The following MYO5A variants were observed in gnomAD, a reference collection of about 807,000 sequenced individuals.
MYO5A encodes the protein myosin VA.
MYO5A carries 98 observed loss-of-function variants against 249.7 expected under a neutral mutation model. That is an observed-to-expected ratio of 0.39 (90% CI 0.33 to 0.46). The LOEUF (loss-of-function observed/expected upper bound fraction) is 0.46. Among genes scored for constraint, MYO5A ranks in the 20% least tolerant of loss-of-function variants. The probability of loss-of-function intolerance (pLI) is 0.98; values close to 1 mark genes in which losing one functional copy is unlikely to be tolerated. For synonymous variants in MYO5A, 778 were observed against 810.6 expected, an observed-to-expected ratio of 0.96 and a Z score of 0.68; for missense variants, 1,696 against 2,308.8, an observed-to-expected ratio of 0.73 and a Z score of 5.44.
chr15:52,524,549 G>A (rs1166621657), intron 1 of MYO5A, among the ~76,000 whole-genome samples: 1 of 118,046 alleles, frequency 8.5e-6, no homozygotes, highest in African/African-American at 3.0e-5. Context: ...GTGAGACCCT[G>A]AACCTAAATA....
intron 25 of MYO5A, among the ~76,000 whole-genome samples, chr15:52,354,694 A>C (rs979251272): frequency 1.3e-5 from 2 of 152,186 alleles, no homozygotes; most frequent in Non-Finnish European, 2.9e-5. Context: ...TCTCTGCTAA[A>C]AATATAAAAA....
intron 1 of MYO5A, among the ~76,000 whole-genome samples, chr15:52,474,716 G>C (rs2076553053): frequency 6.6e-6 from 1 of 152,208 alleles, no homozygotes; most frequent in Non-Finnish European, 1.5e-5. Flanking sequence ...TGTTGAACCA[G>C]CCTTGCATCC....
chr15:52,401,491 T>G (rs2414150), intron 9 of MYO5A, among the ~76,000 whole-genome samples: 73,916 of 152,126 alleles, frequency 0.49, 21,523 homozygotes, highest in Non-Finnish European at 0.63. Flanking sequence ...AAGATATTAT[T>G]CCACTGTGTT....
At chr15:52,334,520 G>A (rs2039028472) in intron 34 of MYO5A, among the ~76,000 whole-genome samples, 1 of 152,088 alleles carries the variant, frequency 6.6e-6, no homozygotes, top group South Asian at 2.1e-4. Context: ...AATGCTAAAG[G>A]ATTATATATA....
chr15:52,349,664 C>T (rs2039840727), intron 28 of MYO5A, among the ~76,000 whole-genome samples: 1 of 152,186 alleles, frequency 6.6e-6, no homozygotes, highest in African/African-American at 2.4e-5. Context: ...TACCACATTG[C>T]AACCCCATAA....
intron 31 of MYO5A, among the ~76,000 whole-genome samples, chr15:52,342,265 A>T (rs1037265321): frequency 1.3e-5 from 2 of 152,106 alleles, no homozygotes; most frequent in Admixed American, 6.5e-5. Context: ...AGGCTGAGGC[A>T]GGAGGATCGT....
At chr15:52,429,414 C>T (rs1425486404) in intron 2 of MYO5A, among the ~76,000 whole-genome samples, 1 of 152,096 alleles carries the variant, frequency 6.6e-6, no homozygotes, top group Non-Finnish European at 1.5e-5. Flanking sequence ...ATTGGCCAGG[C>T]ATGGTGGCTC....
intron 6 of MYO5A, among the ~76,000 whole-genome samples, chr15:52,410,087 C>A (rs940828977): frequency 1.6e-4 from 25 of 152,130 alleles, no homozygotes; most frequent in African/African-American, 6.0e-4. Context: ...CTAAGCTTTC[C>A]CGCAAGCACC....
chr15:52,318,301 C>T (rs557251787), intron 39 of MYO5A, among the ~76,000 whole-genome samples: 7 of 151,710 alleles, frequency 4.6e-5, no homozygotes, highest in African/African-American at 1.4e-4. Flanking sequence ...ACAAAAAATA[C>T]AAAAATTAGC....
At chr15:52,448,311 G>A (rs1230366720) in intron 1 of MYO5A, among the ~76,000 whole-genome samples, 1 of 152,176 alleles carries the variant, frequency 6.6e-6, no homozygotes, top group African/African-American at 2.4e-5. Flanking sequence ...GTCCTGCTGG[G>A]TTTTGTACTT....
chr15:52,329,905 ATTTTTTTTTTTT>A (rs58058940), intron 35 of MYO5A, among the ~76,000 whole-genome samples: 64,731 of 120,252 alleles, frequency 0.54, 18,515 homozygotes, highest in Non-Finnish European at 0.63. Context: ...CGCCTGGGTA[ATTTTTTTTTTTT>A]TTTTTTTTTT....
chr15:52,459,212 G>A (rs578209669), intron 1 of MYO5A, among the ~76,000 whole-genome samples: 5 of 123,004 alleles, frequency 4.1e-5, no homozygotes, highest in African/African-American at 1.4e-4. Flanking sequence ...TCTCAGAGAG[G>A]GGGATTTGGC....
rs58058940 is a variant in MYO5A, at chr15:52,329,905, A to ATTTTTTTTTTTTTTTT, written c.4555+432_4555+447dup. 5.0e-3 allele frequency among the ~76,000 whole-genome samples: 600 copies of ATTTTTTTTTTTTTTTT among 119,588 alleles called. 12 individuals carry two copies. Among genetic ancestry groups the ATTTTTTTTTTTTTTTT allele is most frequent in the Non-Finnish European group, 7.6e-3 (467 of 61,806 alleles). The allele number at this position is 119,588 out of a possible 152,430, so 78.5% of individuals were successfully genotyped here. Reference sequence around the variant, plus strand: ...AGGCATGTACCACCTCGCCTGGGTAATTTTTTTTTTTTTTTTTTTTTTTTT... The same window carrying ATTTTTTTTTTTTTTTT: ...AGGCATGTACCACCTCGCCTGGGTAATTTTTTTTTTTTTTTTTTTTTTTTTTTTTTTTTTTTTTTTT... On this transcript the variant is annotated intron_variant, in intron 35 of 41. Transcript: ENST00000399233.
intron 21 of MYO5A, 108 bp from the exon 22 acceptor site, chr15:52,370,525 T>C (rs145484586): frequency 8.1e-7 from 1 of 1,234,268 alleles, no homozygotes; most frequent in African/African-American, 1.5e-5. Context: ...ATCATAACAT[T>C]GATATAGTAT....
intron 1 of MYO5A, among the ~76,000 whole-genome samples, chr15:52,446,799 G>C (rs552684243): frequency 5.1e-4 from 78 of 152,246 alleles, no homozygotes; most frequent in African/African-American, 1.9e-3. Context: ...GGATTATCTT[G>C]GATCTTTAAG....
At chr15:52,323,758 C>A (rs1053381742) in intron 36 of MYO5A, 1 of 333,392 alleles carries the variant, frequency 3.0e-6, no homozygotes, top group Non-Finnish European at 5.8e-6. Context: ...AATCCCAGCA[C>A]TTTGGGAGGC....
At chr15:52,402,975 G>T (rs1289338447) in intron 9 of MYO5A, among the ~76,000 whole-genome samples, 1 of 152,142 alleles carries the variant, frequency 6.6e-6, no homozygotes. Context: ...GACAAGCACC[G>T]GTTAGAAAAT....
intron 30 of MYO5A, among the ~76,000 whole-genome samples, chr15:52,344,556 T>A (rs2039526699): frequency 6.6e-6 from 1 of 152,208 alleles, no homozygotes; most frequent in Non-Finnish European, 1.5e-5. Context: ...CTGTCAATCC[T>A]AACTGCCACC....
chr15:52,442,979 C>T (rs2075815412), intron 1 of MYO5A, among the ~76,000 whole-genome samples: 2 of 152,148 alleles, frequency 1.3e-5, no homozygotes, highest in South Asian at 4.1e-4. Flanking sequence ...TCTCGATCTC[C>T]TGACCTTGTG....
Sources: allele counts gnomAD v4.1 joint callset (sites outside exome capture counted in the v4.1 genomes callset), GRCh38; gene constraint gnomAD v4.1.1; transcripts MANE v1.5; gene names NCBI Gene and HGNC (gene_info 2026-07-23, HGNC 2026-07-21).